The following WDR27 variants were observed in gnomAD, a reference collection of about 807,000 sequenced individuals.
WDR27 encodes the protein WD repeat-containing protein 27.
In WDR27, 100 loss-of-function variants were observed where a neutral mutation model predicts 114.4. That is an observed-to-expected ratio of 0.87 (90% CI 0.74 to 1.03). The LOEUF is 1.03. Among genes scored for constraint, WDR27 ranks in the 50% least tolerant of loss-of-function variants. WDR27 has a pLI of 0.00. For missense variants in WDR27, 1,129 were observed against 1,092.9 expected (o/e 1.03, Z -0.47); for synonymous variants, 449 against 423.1 (o/e 1.06, Z -0.75).
intron 25 of WDR27, among the ~76,000 whole-genome samples, chr6:169,511,965 T>C (rs991964227): frequency 1.3e-5 from 2 of 152,166 alleles, no homozygotes; most frequent in Admixed American, 1.3e-4. Context: ...CAGTAAGGAC[T>C]TTCATCCAAA....
In WDR27 at chr6:169,479,915, G is replaced by C. The variant is rs546481264; in HGVS notation, c.2646-22281C>G. 1.1e-3 allele frequency among the ~76,000 whole-genome samples: 173 copies of C among 152,280 alleles called. No individual in the cohort carries two copies. In the Middle Eastern group the frequency reaches 0.02, roughly 18 times the overall value. Reference sequence around the variant, plus strand: ...CTCGCTTGCTCTCGGCACCTCCTCGGCTTCGGCATCCACTCTGGCCACACT... The same window carrying C: ...CTCGCTTGCTCTCGGCACCTCCTCGCCTTCGGCATCCACTCTGGCCACACT... On this transcript the variant is annotated intron_variant, in intron 25 of 25. Coordinates refer to ENST00000448612, the MANE Select transcript of WDR27 (RefSeq NM_182552.5).
At chr6:169,502,357 G>A (rs991787769) in intron 25 of WDR27, among the ~76,000 whole-genome samples, 4 of 152,210 alleles carry the variant, frequency 2.6e-5, no homozygotes, top group Non-Finnish European at 5.9e-5. Context: ...GTACACGGAC[G>A]GTCCCTGTCG....
At chr6:169,452,544 GTCA>G, downstream of WDR27, among the ~76,000 whole-genome samples, 1 of 138,460 alleles carries the variant, frequency 7.2e-6, no homozygotes, top group Non-Finnish European at 1.5e-5. Context: ...CGTGCGTGGG[GTCA>G]GAGAGGAGCC....
chr6:169,685,178 AT>A (rs1562929838), intron 2 of WDR27, among the ~76,000 whole-genome samples: 1 of 152,044 alleles, frequency 6.6e-6, no homozygotes, highest in African/African-American at 2.4e-5. Context: ...ATAAATCCCT[AT>A]GAAACGTGCT....
At chr6:169,626,904 A>G (rs571764748) in intron 21 of WDR27, among the ~76,000 whole-genome samples, 1 of 152,246 alleles carries the variant, frequency 6.6e-6, no homozygotes, top group South Asian at 2.1e-4. Flanking sequence ...ACCACTGGGC[A>G]GTGCCTGTGT....
chr6:169,497,321 A>G (rs1790532755), intron 25 of WDR27, among the ~76,000 whole-genome samples: 1 of 152,150 alleles, frequency 6.6e-6, no homozygotes, highest in African/African-American at 2.4e-5. Flanking sequence ...AACTCTTAGA[A>G]GAAAACACAG....
At chr6:169,550,619 C>A (rs1797973227) in intron 25 of WDR27, among the ~76,000 whole-genome samples, 2 of 152,040 alleles carry the variant, frequency 1.3e-5, no homozygotes, top group South Asian at 4.1e-4. Flanking sequence ...TGAGGTTTCA[C>A]CATGATTTCC....
chr6:169,500,104 C>G (rs1269610580), intron 25 of WDR27, among the ~76,000 whole-genome samples: 1 of 152,190 alleles, frequency 6.6e-6, no homozygotes, highest in African/African-American at 2.4e-5. Flanking sequence ...GAGCGCTACT[C>G]AGTATAAAAC....
intron 22 of WDR27, among the ~76,000 whole-genome samples, chr6:169,603,870 T>G (rs892233623): frequency 6.6e-6 from 1 of 152,226 alleles, no homozygotes; most frequent in Non-Finnish European, 1.5e-5. Flanking sequence ...AGAAGTGTAA[T>G]TGGACTGGGT....
At chr6:169,498,705 G>A (rs1012628481) in intron 25 of WDR27, among the ~76,000 whole-genome samples, 14 of 152,316 alleles carry the variant, frequency 9.2e-5, no homozygotes, top group African/African-American at 2.4e-4. Context: ...CAGAGAAGAC[G>A]TGAAGTGAAA....
At chr6:169,444,754 T>G in the WDR27 span, among the ~76,000 whole-genome samples, 1 of 151,722 alleles carries the variant, frequency 6.6e-6, no homozygotes, top group Non-Finnish European at 1.5e-5. Flanking sequence ...AGAGGCAAAA[T>G]CCAAGTAAAT....
At chr6:169,642,526 A>G (rs970412052) in intron 17 of WDR27, among the ~76,000 whole-genome samples, 2 of 152,126 alleles carry the variant, frequency 1.3e-5, no homozygotes, top group Non-Finnish European at 2.9e-5. Flanking sequence ...GATAGATATG[A>G]GGTGGGACCA....
intron 25 of WDR27, among the ~76,000 whole-genome samples, chr6:169,570,585 T>C (rs982811867): frequency 3.3e-5 from 5 of 152,288 alleles, no homozygotes; most frequent in Non-Finnish European, 7.4e-5. Flanking sequence ...TCCCAACACT[T>C]TGGGAGGCCT....
intron 25 of WDR27, among the ~76,000 whole-genome samples, chr6:169,552,983 T>C (rs1798370431): frequency 1.1e-5 from 1 of 87,026 alleles, no homozygotes; most frequent in Admixed American, 1.3e-4. Flanking sequence ...GGTGTGTGTG[T>C]GTGTGTGTGT....
chr6:169,578,176 G>A (rs1208684104), intron 24 of WDR27, among the ~76,000 whole-genome samples: 2 of 152,174 alleles, frequency 1.3e-5, no homozygotes, highest in African/African-American at 2.4e-5. Flanking sequence ...GCTGTAAGGC[G>A]CTCTCCAACT....
chr6:169,567,240 C>T (rs868371074), intron 25 of WDR27, among the ~76,000 whole-genome samples: 8 of 152,180 alleles, frequency 5.3e-5, no homozygotes, highest in African/African-American at 1.2e-4. Flanking sequence ...TGGCTTTGTC[C>T]GTGATAAACA....
the WDR27 span, among the ~76,000 whole-genome samples, chr6:169,428,615 G>A: frequency 2.0e-5 from 3 of 150,752 alleles, no homozygotes; most frequent in South Asian, 2.1e-4. Flanking sequence ...GGGAGGGGGG[G>A]GTTCTACTCC....
chr6:169,481,176 T>C (rs1401560833), intron 25 of WDR27, among the ~76,000 whole-genome samples: 1 of 152,120 alleles, frequency 6.6e-6, no homozygotes, highest in Non-Finnish European at 1.5e-5. Flanking sequence ...GCTCTGTGTC[T>C]AGCTAATCTA....
At position 169,659,835 on chromosome 6, in the gene WDR27, C is replaced by A. The variant is rs1825521319; in HGVS notation, c.1130-317G>T. On this transcript the variant is annotated intron_variant, in intron 10 of 25. Coordinates refer to ENST00000448612, the MANE Select transcript of WDR27 (RefSeq NM_182552.5). This position sits in a 1 kb window ranked among gnomAD's most constrained non-coding sequence, Gnocchi z 4.3. ...AGAAGCCACATGTCCAGCACCAGAT[C>A]AGAAAGGAAATGTGTAATTAGAGCT... 6.6e-6 allele frequency among the ~76,000 whole-genome samples: 1 copy of A among 151,960 alleles called. No individual in the cohort carries two copies. Among genetic ancestry groups the A allele is most frequent in the African/African-American group, 2.4e-5 (1 of 41,370 alleles).
Sources: allele counts gnomAD v4.1 joint callset (sites outside exome capture counted in the v4.1 genomes callset), GRCh38; gene constraint gnomAD v4.1.1; non-coding constraint Gnocchi (gnomAD v3.1); transcripts MANE v1.5; gene names NCBI Gene and HGNC (gene_info 2026-07-23, HGNC 2026-07-21).